Variants in ARAP2 observed in about 807,000 individuals in gnomAD.
ARAP2 encodes ArfGAP with RhoGAP domain, ankyrin repeat and PH domain 2.
In ARAP2, 148 loss-of-function variants were observed where a neutral mutation model predicts 194.5. The observed-to-expected ratio is 0.76, with a 90% CI of 0.67 to 0.87. ARAP2 has a LOEUF of 0.87. Among genes scored for constraint, ARAP2 ranks in the 40% least tolerant of loss-of-function variants. The probability of loss-of-function intolerance (pLI) is 0.00; values close to 1 mark genes in which losing one functional copy is unlikely to be tolerated. For missense variants in ARAP2, 2,128 were observed against 1,989.7 expected (o/e 1.07, Z -1.32); for synonymous variants, 695 against 683.5 (o/e 1.02, Z -0.26).
At chr4:36,054,190 A>G (rs1423867813) in intron 2 of ARAP2, among the ~76,000 whole-genome samples, 2 of 152,194 alleles carry the variant, frequency 1.3e-5, no homozygotes, top group Non-Finnish European at 2.9e-5. Context: ...TATCCCCAAG[A>G]ACATCAGAGC....
chr4:36,228,345 G>A (rs1406234619), intron 2 of ARAP2, among the ~76,000 whole-genome samples: 1 of 152,156 alleles, frequency 6.6e-6, no homozygotes, highest in Admixed American at 6.5e-5. Context: ...ATTAAGGGAA[G>A]GGATGTCCCC....
At chr4:36,040,892 G>C (rs1213369835) in intron 5 of ARAP2, among the ~76,000 whole-genome samples, 2 of 152,166 alleles carry the variant, frequency 1.3e-5, no homozygotes, top group African/African-American at 4.8e-5. Context: ...GGAGTGAAGA[G>C]AGAAGGCATT....
intron 28 of ARAP2, among the ~76,000 whole-genome samples, chr4:36,088,129 T>C (rs1238417262): frequency 6.6e-6 from 1 of 152,098 alleles, no homozygotes; most frequent in Non-Finnish European, 1.5e-5. Flanking sequence ...TTAGCAACCT[T>C]CTGTTGCTAC....
chr4:36,083,856 G>C (rs1230735142), intron 28 of ARAP2, among the ~76,000 whole-genome samples: 1 of 152,072 alleles, frequency 6.6e-6, no homozygotes, highest in African/African-American at 2.4e-5. Flanking sequence ...ATTGACATTT[G>C]AGTCAGTGGA....
intron 3 of ARAP2, 110 bp downstream of exon 3, chr4:36,214,312 T>C: frequency 1.4e-6 from 1 of 725,480 alleles, no homozygotes; most frequent in Non-Finnish European, 2.1e-6. Flanking sequence ...GACAGTTATT[T>C]CCATTGTTCC....
At chr4:36,238,022 T>C (rs1483766602) in intron 1 of ARAP2, among the ~76,000 whole-genome samples, 2 of 152,232 alleles carry the variant, frequency 1.3e-5, no homozygotes, top group Non-Finnish European at 2.9e-5. Context: ...TTTTCTAGTC[T>C]GAGTGCTTAG....
intron 8 of ARAP2, among the ~76,000 whole-genome samples, chr4:36,182,214 C>G (rs1056316091): frequency 1.3e-5 from 2 of 152,226 alleles, no homozygotes; most frequent in East Asian, 3.9e-4. Flanking sequence ...AGAAACTGGC[C>G]GGGCATGGTG....
intron 6 of ARAP2, among the ~76,000 whole-genome samples, chr4:36,204,448 G>A (rs959788026): frequency 6.6e-6 from 1 of 152,138 alleles, no homozygotes; most frequent in African/African-American, 2.4e-5. Context: ...AAGCTTCAAA[G>A]ACTTGTGCTT....
At chr4:36,166,269 GAATT>G (rs564642217) in intron 10 of ARAP2, among the ~76,000 whole-genome samples, 46 of 152,140 alleles carry the variant, frequency 3.0e-4, no homozygotes, top group Admixed American at 1.4e-3. Flanking sequence ...TATAACAAAC[GAATT>G]AATACAGTTG....
chr4:36,006,331 G>T (rs1024966542), intron 10 of ARAP2: 11 of 152,326 alleles, frequency 7.2e-5, no homozygotes, highest in Non-Finnish European at 1.3e-4. Flanking sequence ...TAGACGTTTG[G>T]TGAGTTCTTA....
chr4:36,038,845 T>A (rs1176096152), intron 5 of ARAP2, among the ~76,000 whole-genome samples: 2 of 152,190 alleles, frequency 1.3e-5, no homozygotes, highest in Non-Finnish European at 2.9e-5. Context: ...ACTGAATTGT[T>A]CATTATGTTA....
chr4:36,195,969 C>A (rs1214085741), intron 6 of ARAP2, among the ~76,000 whole-genome samples: 1 of 152,158 alleles, frequency 6.6e-6, no homozygotes, highest in South Asian at 2.1e-4. Flanking sequence ...GAATGAGTGA[C>A]ATGATTAAAA....
At chr4:36,024,070 G>T (rs1018601289) in intron 5 of ARAP2, among the ~76,000 whole-genome samples, 18 of 152,046 alleles carry the variant, frequency 1.2e-4, no homozygotes, top group African/African-American at 4.3e-4. Flanking sequence ...CTTGTACTTG[G>T]ATACCTGCAT....
chr4:36,228,950 T>G lies in ARAP2; in HGVS notation c.537A>C (p.Glu179Asp). The G allele has an allele frequency of 6.2e-7, 1 of 1,614,088 alleles. No homozygotes were observed. Among genetic ancestry groups the G allele is most frequent in the South Asian group, 1.1e-5 (1 of 91,072 alleles). The change falls in exon 2 of 33, where the codon GAA (glutamate) becomes GAC (aspartate). Residue 179 changes from glutamate (E) to aspartate (D), a missense_variant. Physicochemically the swap from Glu to Asp is conservative, Grantham distance 45. Transcript: ENST00000303965. ...SLFGSDNIKI[E>D]SLITKKTVDH... ...CCACAGTCTTCTTTGTAATCAATGA[T>G]TCTATTTTAATATTGTCACTACCAA...
intron 31 of ARAP2, among the ~76,000 whole-genome samples, chr4:36,076,273 T>C (rs559205749): frequency 2.0e-5 from 3 of 152,130 alleles, no homozygotes; most frequent in Non-Finnish European, 4.4e-5. Context: ...GATCATATCA[T>C]TTCATGTCTG....
chr4:36,180,660 G>A (rs1739020480), intron 8 of ARAP2, among the ~76,000 whole-genome samples: 2 of 152,188 alleles, frequency 1.3e-5, no homozygotes, highest in African/African-American at 4.8e-5. Flanking sequence ...AATGAGTTGG[G>A]CCTAAGTGTC....
At chr4:36,129,036 C>T (rs1724716907) in intron 20 of ARAP2, among the ~76,000 whole-genome samples, 2 of 151,854 alleles carry the variant, frequency 1.3e-5, no homozygotes. Context: ...CTTAAAGTGC[C>T]CTATCTTCAC....
intron 6 of ARAP2, among the ~76,000 whole-genome samples, chr4:36,205,586 A>G (rs1745365049): frequency 7.5e-6 from 1 of 132,618 alleles, no homozygotes; most frequent in Non-Finnish European, 1.6e-5. Context: ...GTCCTCTGCA[A>G]TAAAATGGTG....
chr4:36,196,261 G>A (rs1169127361), intron 6 of ARAP2, among the ~76,000 whole-genome samples: 1 of 152,158 alleles, frequency 6.6e-6, no homozygotes, highest in Non-Finnish European at 1.5e-5. Context: ...TTGTGTCTGA[G>A]GCATCATCCA....
Sources: gnomAD v4.1 joint callset for allele counts (sites outside exome capture counted in the v4.1 genomes callset) on GRCh38, gnomAD v4.1.1 for gene constraint, MANE v1.5 for transcripts, NCBI Gene and HGNC (gene_info 2026-07-23, HGNC 2026-07-21) for gene names.